RASL12: variants seen among roughly 807,000 people sequenced by gnomAD.
RASL12 encodes ras-like protein family member 12.
RASL12 carries 16 observed loss-of-function variants against 22.9 expected under a neutral mutation model. The ratio of observed to expected loss-of-function variants is 0.70; its 90% CI spans 0.47 to 1.06. RASL12 has a LOEUF of 1.06. Among genes scored for constraint, RASL12 ranks in the 50% least tolerant of loss-of-function variants. RASL12 has a pLI of 0.00. For missense variants in RASL12, 306 were observed against 353.1 expected (o/e 0.87, Z 1.07); for synonymous variants, 159 against 152.2 (o/e 1.04, Z -0.33).
At chr15:65,068,476 C>G (rs543421347), upstream of RASL12, among the ~76,000 whole-genome samples, 9 of 152,174 alleles carry the variant, frequency 5.9e-5, no homozygotes, top group Non-Finnish European at 1.3e-4. The surrounding 1 kb of genome is among the most constrained non-coding windows in gnomAD (Gnocchi z 4.2). Flanking sequence ...CACTGCAGAA[C>G]CCATTCGGAA....
Position 65,053,505 on chromosome 15 carries a change from G to C in RASL12, c.*1394C>G, listed in dbSNP as rs764318331. The C allele has an allele frequency of 5.4e-6, 6 of 1,105,638 alleles. No homozygotes were observed. The highest frequency in any genetic ancestry group is 2.2e-6 in the Non-Finnish European group (2 of 905,046). 68.5% of individuals were successfully genotyped at this position (1,105,638 alleles called of 1,614,324 possible). On this transcript the variant is annotated 3_prime_UTR_variant, in exon 5 of 5. Coordinates refer to ENST00000220062, the MANE Select transcript of RASL12 (RefSeq NM_016563.4). ...TGTGGGTCGGGAAGCCTGTAGGACTGCAAGCATGTGGTCTTGAGTAGTTCA... is the reference window on the plus strand; with the variant it reads ...TGTGGGTCGGGAAGCCTGTAGGACTCCAAGCATGTGGTCTTGAGTAGTTCA...
At chr15:65,053,284 T>A (rs1467426638), downstream of RASL12, 4 of 1,436,538 alleles carry the variant, frequency 2.8e-6, no homozygotes, top group African/African-American at 1.4e-5. Context: ...TTTTCTTTCT[T>A]TCTTTTTTTT....
intron 1 of RASL12, among the ~76,000 whole-genome samples, chr15:65,075,115 G>A (rs776863486): frequency 5.3e-5 from 8 of 152,214 alleles, no homozygotes; most frequent in African/African-American, 1.7e-4. Context: ...CCCCGCACTC[G>A]GAGCAGTCAG....
intron 1 of RASL12, among the ~76,000 whole-genome samples, chr15:65,067,396 G>T (rs555057586): frequency 3.3e-5 from 5 of 152,020 alleles, no homozygotes; most frequent in South Asian, 2.1e-4. Context: ...TGGCAGGGGA[G>T]ACCGACCAGT....
At chr15:65,051,802 G>A (rs772516037), downstream of RASL12, among the ~76,000 whole-genome samples, 1,333 of 150,862 alleles carry the variant, frequency 8.8e-3, 12 homozygotes, top group Middle Eastern at 0.027. Context: ...AACAGCAACA[G>A]TCCCTGATTA....
intron 1 of RASL12, among the ~76,000 whole-genome samples, chr15:65,074,721 G>A (rs1413583111): frequency 1.3e-5 from 2 of 152,240 alleles, no homozygotes; most frequent in Non-Finnish European, 2.9e-5. Flanking sequence ...GGAACATGAG[G>A]AACGGTTAGG....
chr15:65,064,734 T>C lies in RASL12; in HGVS notation c.160+483A>G, dbSNP rs184109328. On this transcript the variant is annotated intron_variant, in intron 2 of 4. Transcript: ENST00000220062. ...GCCTCAGCCTCCCTAGAAGCTGGGATTACAGGCACACACCACTATGCCCAG... is the reference window on the plus strand; with the variant it reads ...GCCTCAGCCTCCCTAGAAGCTGGGACTACAGGCACACACCACTATGCCCAG... Among the ~76,000 whole-genome samples the C allele has an allele frequency of 1.4e-3, 217 of 152,088 alleles. 2 individuals carry two copies. Among genetic ancestry groups the C allele is most frequent in the Admixed American group, 9.9e-3 (151 of 15,280 alleles).
chr15:65,067,879 C>G lies in RASL12; in HGVS notation c.-44G>C. On this transcript the variant is annotated 5_prime_UTR_variant, in exon 1 of 5. Transcript: ENST00000220062. Reference sequence around the variant, plus strand: ...CACGCAGGTCTGCGGCCGGTGGGCCCCGCGCAGTGCGCCCGCCCGTCGGGG... The same window carrying G: ...CACGCAGGTCTGCGGCCGGTGGGCCGCGCGCAGTGCGCCCGCCCGTCGGGG... 7.1e-7 allele frequency: 1 copy of G among 1,400,612 alleles called. No individual in the cohort carries two copies. The highest frequency in any genetic ancestry group is 9.2e-7 in the Non-Finnish European group (1 of 1,083,564). The allele number at this position is 1,400,612 out of a possible 1,614,324, so 86.8% of individuals were successfully genotyped here.
Position 65,063,599 on chromosome 15 carries a change from T to C in RASL12, c.160+1618A>G, listed in dbSNP as rs574255622. On this transcript the variant is annotated intron_variant, in intron 2 of 4. Transcript: ENST00000220062. ...CAAGGCACCGGGGGTCAAGCAGAGC[T>C]TCGAGGAACAAATCTCTTAGGGACT... Among the ~76,000 whole-genome samples, 165 of 152,280 alleles carry C rather than the reference T, an allele frequency of 1.1e-3. 1 individual carries two copies. The highest frequency in any genetic ancestry group is 2.7e-3 in the East Asian group (14 of 5,184).
intron 4 of RASL12, 31 bp from the exon 5 acceptor site, chr15:65,055,305 T>C: frequency 2.7e-6 from 4 of 1,505,020 alleles, no homozygotes; most frequent in Non-Finnish European, 3.6e-6. Flanking sequence ...GGCAGGGAGT[T>C]AGGAGCAGGC....
intron 2 of RASL12, 149 bp from the exon 3 acceptor site, chr15:65,059,567 A>T: frequency 1.5e-6 from 1 of 654,188 alleles, no homozygotes; most frequent in Middle Eastern, 4.1e-4. Flanking sequence ...TCTCACCCAC[A>T]TGGAGGCTAC....
chr15:65,071,582 G>T (rs1014480815), upstream of RASL12, among the ~76,000 whole-genome samples: 23 of 152,132 alleles, frequency 1.5e-4, no homozygotes, highest in African/African-American at 5.1e-4. Context: ...GTAGAAACTG[G>T]GTGGGTGCCC....
chr15:65,051,452 G>C (rs561308579), downstream of RASL12: 14 of 1,511,396 alleles, frequency 9.3e-6, no homozygotes, highest in African/African-American at 1.8e-4. Context: ...GGCCCCAGCT[G>C]TTAGCGGGCT....
chr15:65,068,602 T>C (rs187604339), upstream of RASL12, among the ~76,000 whole-genome samples: 1 of 152,328 alleles, frequency 6.6e-6, no homozygotes, highest in East Asian at 1.9e-4. This position sits in a 1 kb window ranked among gnomAD's most constrained non-coding sequence, Gnocchi z 4.2. Context: ...CTCTCCCTAA[T>C]GGGAGCTAAT....
rs1264258692 is a variant in RASL12 at position 65,054,684 on chromosome 15, G to A, written c.*215C>T. ...TGTTTCCCTCTACGGCCACAGACGC[G>A]GTGGTTACCATGAAGACCAAGGCCT... On this transcript the variant is annotated 3_prime_UTR_variant, in exon 5 of 5. Transcript: ENST00000220062. 1.1e-5 allele frequency: 15 copies of A among 1,392,120 alleles called. No individual in the cohort carries two copies. Among genetic ancestry groups the A allele is most frequent in the East Asian group, 5.1e-5 (2 of 39,226 alleles). The allele number at this position is 1,392,120 out of a possible 1,614,324, so 86.2% of individuals were successfully genotyped here. A position where few individuals can be genotyped will look rare whatever the true frequency, so the allele number is the denominator to read the frequency against.
chr15:65,047,258 C>T, the RASL12 span, among the ~76,000 whole-genome samples: 1 of 151,730 alleles, frequency 6.6e-6, no homozygotes. Flanking sequence ...ATTTCTTGAA[C>T]CTGGGAGGCG....
chr15:65,048,095 C>T, the RASL12 span, among the ~76,000 whole-genome samples: 204 of 151,994 alleles, frequency 1.3e-3, 1 homozygote, highest in East Asian at 4.6e-3. Context: ...AAACGAGAAC[C>T]GCTTGGACCC....
At chr15:65,060,894 T>C (rs2086795227) in intron 2 of RASL12, among the ~76,000 whole-genome samples, 1 of 152,222 alleles carries the variant, frequency 6.6e-6, no homozygotes, top group South Asian at 2.1e-4. Context: ...CCAGCCTGCT[T>C]TGGGGACTTG....
At position 65,053,501 on chromosome 15, in the gene RASL12, G is replaced by T. The variant is rs1470250855; in HGVS notation, c.*1398C>A. ...GGCCTGTGGGTCGGGAAGCCTGTAG[G>T]ACTGCAAGCATGTGGTCTTGAGTAG... is the stretch of plus-strand genomic sequence containing the variant. On this transcript the variant is annotated 3_prime_UTR_variant, in exon 5 of 5. Coordinates refer to ENST00000220062, the MANE Select transcript of RASL12 (RefSeq NM_016563.4). The T allele has an allele frequency of 4.1e-5, 45 of 1,110,584 alleles. No individual in the cohort carries two copies. The highest frequency in any genetic ancestry group is 7.1e-5 in the East Asian group (1 of 14,092). 68.8% of individuals were successfully genotyped at this position (1,110,584 alleles called of 1,614,324 possible).
Sources: allele counts gnomAD v4.1 joint callset (sites outside exome capture counted in the v4.1 genomes callset), GRCh38; gene constraint gnomAD v4.1.1; non-coding constraint Gnocchi (gnomAD v3.1); transcripts MANE v1.5; gene names NCBI Gene and HGNC (gene_info 2026-07-23, HGNC 2026-07-21).